RAB27A: variants seen among roughly 807,000 people sequenced by gnomAD.
RAB27A encodes the protein RAB27A, member RAS oncogene family.
Under a neutral mutation model 20.8 loss-of-function variants are expected in RAB27A, and 17 were observed. The observed-to-expected ratio is 0.82, with a 90% CI of 0.56 to 1.23. The LOEUF is 1.23. Ranked by LOEUF, RAB27A falls within the 50% of genes most tolerant of loss-of-function variation. The probability of loss-of-function intolerance (pLI) is 0.00; values close to 1 mark genes in which losing one functional copy is unlikely to be tolerated. For synonymous variants in RAB27A, 85 were observed against 92.8 expected, an observed-to-expected ratio of 0.92 and a Z score of 0.48; for missense variants, 277 against 266.7, an observed-to-expected ratio of 1.04 and a Z score of -0.27.
chr15:55,305,180 T>C (rs1003694997), intron 2 of RAB27A, among the ~76,000 whole-genome samples: 3 of 152,174 alleles, frequency 2.0e-5, no homozygotes, highest in Admixed American at 2.0e-4. Context: ...TTAGTCAGCC[T>C]AGGAAATCCA....
chr15:55,270,788 T>TA lies in RAB27A; in HGVS notation c.-142-505dup, dbSNP rs1399001206. ...TGCAGCTGGCCTCCAATTTCATAAG[T>TA]AAAACTGCCTACAAGGGAGTCCACC... On this transcript the variant is annotated intron_variant, in intron 1 of 6. Coordinates refer to ENST00000336787, the MANE Select transcript of RAB27A (RefSeq NM_183235.3). 4 of 152,336 alleles carry TA rather than the reference T, an allele frequency of 2.6e-5. No individual in the cohort carries two copies. In the East Asian group the frequency reaches 7.7e-4, roughly 29 times the overall value. The allele number at this position is 152,336 out of a possible 1,614,324, so 9.4% of individuals were successfully genotyped here.
chr15:55,274,378 G>T (rs1897790055), intron 1 of RAB27A, among the ~76,000 whole-genome samples: 1 of 151,584 alleles, frequency 6.6e-6, no homozygotes, highest in Non-Finnish European at 1.5e-5. Context: ...TTAGAAGAAA[G>T]AATGAAATAA....
chr15:55,300,010 C>T (rs1403359978), intron 2 of RAB27A, among the ~76,000 whole-genome samples: 4 of 151,830 alleles, frequency 2.6e-5, no homozygotes, highest in African/African-American at 9.7e-5. Flanking sequence ...CTAGTAGAGA[C>T]GGGGTTTTAC....
chr15:55,287,693 G>GCAA (rs1898193802), intron 1 of RAB27A, among the ~76,000 whole-genome samples: 1 of 151,916 alleles, frequency 6.6e-6, no homozygotes, highest in Non-Finnish European at 1.5e-5. Context: ...GTTGCAGTGA[G>GCAA]CTGAGATCGT....
At chr15:55,315,262 A>C (rs1288446113) in intron 1 of RAB27A, among the ~76,000 whole-genome samples, 1 of 152,226 alleles carries the variant, frequency 6.6e-6, no homozygotes, top group Non-Finnish European at 1.5e-5. Flanking sequence ...AAATTAACTC[A>C]AGATGGACTA....
intron 2 of RAB27A, among the ~76,000 whole-genome samples, chr15:55,252,215 G>A (rs1211214858): frequency 6.6e-6 from 1 of 152,156 alleles, no homozygotes; most frequent in African/African-American, 2.4e-5. Context: ...AAAGACCGGG[G>A]GAGGGTGGTG....
intron 2 of RAB27A, among the ~76,000 whole-genome samples, chr15:55,313,797 C>G (rs914636937): frequency 6.6e-6 from 1 of 152,004 alleles, no homozygotes; most frequent in African/African-American, 2.4e-5. Flanking sequence ...CATGGTGAAG[C>G]CCTGTCTCTA....
chr15:55,271,282 T>C (rs2141099785), intron 1 of RAB27A, among the ~76,000 whole-genome samples: 1 of 152,332 alleles, frequency 6.6e-6, no homozygotes, highest in Non-Finnish European at 1.5e-5. Context: ...CAGCCATCAG[T>C]ACGTTTTATA....
At chr15:55,282,927 T>TAAAC (rs150434025) in intron 1 of RAB27A, among the ~76,000 whole-genome samples, 73,107 of 151,276 alleles carry the variant, frequency 0.48, 20,433 homozygotes, top group African/African-American at 0.76. Flanking sequence ...AATAAATAAA[T>TAAAC]AAACAAACAA....
At chr15:55,291,763 ATCACCCATTCAT>A (rs578180952), upstream of RAB27A, among the ~76,000 whole-genome samples, 42 of 152,236 alleles carry the variant, frequency 2.8e-4, no homozygotes, top group African/African-American at 9.9e-4. Context: ...TGGCCCATTC[ATCACCCATTCAT>A]TCACTCATTC....
chr15:55,312,389 T>C (rs2141146982), intron 2 of RAB27A, among the ~76,000 whole-genome samples: 1 of 152,298 alleles, frequency 6.6e-6, no homozygotes, highest in Admixed American at 6.5e-5. Context: ...GAACATATAT[T>C]TTCAATTATC....
chr15:55,267,049 A>G (rs774558946), intron 2 of RAB27A, among the ~76,000 whole-genome samples: 1 of 152,198 alleles, frequency 6.6e-6, no homozygotes, highest in Non-Finnish European at 1.5e-5. Context: ...GGACACTAGG[A>G]AGGAGATTTT....
At position 55,287,471 on chromosome 15, in the gene RAB27A, G is replaced by T. The variant is rs1898186578; in HGVS notation, c.-143+2245C>A. Among the ~76,000 whole-genome samples the T allele has an allele frequency of 2.6e-5, 4 of 152,178 alleles. No homozygotes were observed. In the South Asian group the frequency reaches 8.3e-4, roughly 32 times the overall value. On this transcript the variant is annotated intron_variant, in intron 1 of 6. Transcript: ENST00000336787. Reference sequence around the variant, plus strand: ...ACTTTAAATTTCATGTGGAAGGCCAGGCATGGTGGCTCATGCCTATGATCA... The same window carrying T: ...ACTTTAAATTTCATGTGGAAGGCCATGCATGGTGGCTCATGCCTATGATCA...
At chr15:55,231,218 C>T (rs1896020333) in intron 3 of RAB27A, among the ~76,000 whole-genome samples, 1 of 152,194 alleles carries the variant, frequency 6.6e-6, no homozygotes, top group Non-Finnish European at 1.5e-5. Flanking sequence ...CAATCCACCA[C>T]TGATAAGCAC....
At chr15:55,222,422 T>C (rs1393435675) in intron 6 of RAB27A, among the ~76,000 whole-genome samples, 1 of 152,192 alleles carries the variant, frequency 6.6e-6, no homozygotes, top group Non-Finnish European at 1.5e-5. Context: ...CACAGACCAC[T>C]GCAATCTATC....
At chr15:55,292,323 CG>C (rs1214413822), upstream of RAB27A, among the ~76,000 whole-genome samples, 1 of 152,126 alleles carries the variant, frequency 6.6e-6, no homozygotes, top group Non-Finnish European at 1.5e-5. Flanking sequence ...AGTCCTAAAG[CG>C]ATTAAGCAGT....
upstream of RAB27A, chr15:55,290,062 T>C (rs901913740): frequency 5.3e-5 from 8 of 152,238 alleles, no homozygotes; most frequent in Admixed American, 1.3e-4. Flanking sequence ...CTACAAAATA[T>C]AGGAGTGTTT....
At chr15:55,311,102 T>A (rs771198033) in intron 2 of RAB27A, among the ~76,000 whole-genome samples, 15 of 152,204 alleles carry the variant, frequency 9.9e-5, no homozygotes, top group Admixed American at 2.6e-4. Context: ...TTCTCTTTCC[T>A]CTGTTGTCAC....
intron 2 of RAB27A, among the ~76,000 whole-genome samples, chr15:55,306,349 G>T: frequency 6.6e-6 from 1 of 152,148 alleles, no homozygotes; most frequent in African/African-American, 2.4e-5. Flanking sequence ...TTTGGGCCGA[G>T]ACCTCATGAA....
Sources: gnomAD v4.1 joint callset for allele counts (sites outside exome capture counted in the v4.1 genomes callset) on GRCh38, gnomAD v4.1.1 for gene constraint, MANE v1.5 for transcripts, NCBI Gene and HGNC (gene_info 2026-07-23, HGNC 2026-07-21) for gene names.